The following CDIN1 variants were observed in gnomAD, a reference collection of about 807,000 sequenced individuals.
CDIN1 encodes the protein CDAN1-interacting nuclease 1.
In CDIN1, 33 loss-of-function variants were observed where a neutral mutation model predicts 45.3. That is an observed-to-expected ratio of 0.73 (90% confidence interval 0.55 to 0.97). The LOEUF is 0.97. CDIN1 is among the 50% of genes least tolerant of loss of function. The pLI is 0.00. For synonymous variants in CDIN1, 118 were observed against 124.4 expected, an observed-to-expected ratio of 0.95 and a Z score of 0.34; for missense variants, 303 against 339.4, an observed-to-expected ratio of 0.89 and a Z score of 0.84.
chr15:36,631,965 G>C (rs1469634340), intron 1 of CDIN1, among the ~76,000 whole-genome samples: 1 of 151,916 alleles, frequency 6.6e-6, no homozygotes. Context: ...CAATTAGCTG[G>C]GACTACAGGC....
At chr15:36,731,926 G>A (rs1440752712) in intron 10 of CDIN1, among the ~76,000 whole-genome samples, 1 of 152,102 alleles carries the variant, frequency 6.6e-6, no homozygotes, top group Non-Finnish European at 1.5e-5. Context: ...CTTATTTGAT[G>A]TCATTTAGTT....
intron 1 of CDIN1, chr15:36,618,547 G>A (rs2039004509): frequency 1.9e-6 from 2 of 1,034,692 alleles, no homozygotes; most frequent in Non-Finnish European, 3.1e-6. Context: ...ACCTTTACCT[G>A]GAAGTTCATC....
chr15:36,721,377 A>G (rs72706774), intron 10 of CDIN1, among the ~76,000 whole-genome samples: 35,028 of 151,932 alleles, frequency 0.23, 4,188 homozygotes, highest in East Asian at 0.29. Flanking sequence ...TACATATTGC[A>G]TTTTCATTTT....
intron 1 of CDIN1, among the ~76,000 whole-genome samples, chr15:36,642,386 T>C (rs1006294053): frequency 1.3e-5 from 2 of 152,230 alleles, no homozygotes; most frequent in African/African-American, 4.8e-5. Context: ...GTCTTTCTGT[T>C]GTTACTATGT....
At chr15:36,703,979 A>T (rs1374927285) in intron 8 of CDIN1, among the ~76,000 whole-genome samples, 1 of 152,190 alleles carries the variant, frequency 6.6e-6, no homozygotes, top group Non-Finnish European at 1.5e-5. Context: ...GCCTTGCATC[A>T]CAGCTACTAC....
chr15:36,667,386 T>A (rs2160421), intron 5 of CDIN1, among the ~76,000 whole-genome samples: 67,291 of 151,668 alleles, frequency 0.44, 15,211 homozygotes, highest in East Asian at 0.66. Flanking sequence ...GCTTTTAAAT[T>A]GTTATTGTGC....
chr15:36,731,627 T>C (rs1429326049), intron 10 of CDIN1, among the ~76,000 whole-genome samples: 1 of 152,140 alleles, frequency 6.6e-6, no homozygotes, highest in African/African-American at 2.4e-5. Context: ...CCTCTGAATA[T>C]TCTATATATC....
chr15:36,619,262 C>G (rs1227012318), intron 1 of CDIN1: 1 of 1,202,256 alleles, frequency 8.3e-7, no homozygotes, highest in Non-Finnish European at 1.1e-6. Context: ...CCCAGATCAC[C>G]AAAGTAAAAA....
intron 1 of CDIN1, among the ~76,000 whole-genome samples, chr15:36,633,862 A>G (rs1018379227): frequency 2.0e-5 from 3 of 151,706 alleles, no homozygotes; most frequent in East Asian, 2.0e-4. Flanking sequence ...GGTTCAAGCA[A>G]TTCTGCCATC....
intron 10 of CDIN1, among the ~76,000 whole-genome samples, chr15:36,749,086 C>CT (rs988568609): frequency 6.6e-6 from 1 of 152,088 alleles, no homozygotes; most frequent in African/African-American, 2.4e-5. Flanking sequence ...ACTCGTATCG[C>CT]TTTAAGTTTT....
chr15:36,701,959 A>G (rs769301784), intron 8 of CDIN1: 1 of 680,632 alleles, frequency 1.5e-6, no homozygotes. Flanking sequence ...CACCTGAAGC[A>G]ATAATACTCT....
chr15:36,677,362 A>AAAGGTT (rs1341746124), intron 5 of CDIN1, among the ~76,000 whole-genome samples: 1 of 152,142 alleles, frequency 6.6e-6, no homozygotes, highest in Non-Finnish European at 1.5e-5. Context: ...GAATAAAAGA[A>AAAGGTT]AAGGTTAAGA....
At chr15:36,737,655 G>T (rs963862612) in intron 10 of CDIN1, among the ~76,000 whole-genome samples, 2 of 152,078 alleles carry the variant, frequency 1.3e-5, no homozygotes, top group South Asian at 4.1e-4. Context: ...AGCAGTTATG[G>T]GATCAGATCA....
intron 1 of CDIN1, among the ~76,000 whole-genome samples, chr15:36,593,039 T>A (rs1282662498): frequency 6.6e-6 from 1 of 152,214 alleles, no homozygotes; most frequent in Non-Finnish European, 1.5e-5. Flanking sequence ...CTTAGAGTCC[T>A]TATTTATAAA....
chr15:36,730,376 T>G (rs2140908885), intron 10 of CDIN1, among the ~76,000 whole-genome samples: 1 of 152,310 alleles, frequency 6.6e-6, no homozygotes, highest in South Asian at 2.1e-4. Context: ...TCTAATTTTA[T>G]GTATACAGAG....
intron 10 of CDIN1, among the ~76,000 whole-genome samples, chr15:36,802,091 A>G (rs2055068828): frequency 1.3e-5 from 2 of 152,198 alleles, no homozygotes; most frequent in African/African-American, 4.8e-5. Context: ...ACAAGGTATA[A>G]TGAGACAGTA....
At chr15:36,793,534 A>C (rs1180722881) in intron 10 of CDIN1, among the ~76,000 whole-genome samples, 3 of 152,184 alleles carry the variant, frequency 2.0e-5, no homozygotes, top group Non-Finnish European at 2.9e-5. Flanking sequence ...ACTTTGTGGA[A>C]GTATTTTAAG....
intron 10 of CDIN1, among the ~76,000 whole-genome samples, chr15:36,725,501 A>G (rs1051893217): frequency 3.1e-4 from 47 of 152,180 alleles, no homozygotes; most frequent in African/African-American, 1.0e-3. Flanking sequence ...TTTATAGTCT[A>G]TCTTTTTGAT....
At chr15:36,653,074 A>T (rs2040635174) in intron 3 of CDIN1, among the ~76,000 whole-genome samples, 1 of 152,218 alleles carries the variant, frequency 6.6e-6, no homozygotes, top group Admixed American at 6.5e-5. Flanking sequence ...TAAATTAAAT[A>T]AAATACAATT....
Sources: allele counts gnomAD v4.1 joint callset (sites outside exome capture counted in the v4.1 genomes callset), GRCh38; gene constraint gnomAD v4.1.1; transcripts MANE v1.5; gene names NCBI Gene and HGNC (gene_info 2026-07-23, HGNC 2026-07-21).